Variants in TM4SF5 observed in about 807,000 individuals in gnomAD.
TM4SF5 encodes transmembrane 4 L6 family member 5.
TM4SF5 carries 16 observed loss-of-function variants against 22.3 expected under a neutral mutation model. The observed-to-expected ratio is 0.72, with a 90% CI of 0.49 to 1.09. The LOEUF (loss-of-function observed/expected upper bound fraction) is 1.09. Ranked by LOEUF, TM4SF5 falls within the 50% of genes least tolerant of loss-of-function variation. The pLI is 0.00. For missense variants in TM4SF5, 249 were observed against 266.1 expected (o/e 0.94, Z 0.45); for synonymous variants, 113 against 109.6 (o/e 1.03, Z -0.19).
intron 2 of TM4SF5, 34 bp downstream of exon 2, chr17:4,780,903 G>C: frequency 6.3e-7 from 1 of 1,591,318 alleles, no homozygotes. Flanking sequence ...TTCAGGGCTG[G>C]GGGTGGTGTC....
chr17:4,772,852 C>A (rs1235643969), intron 1 of TM4SF5, among the ~76,000 whole-genome samples: 1 of 151,420 alleles, frequency 6.6e-6, no homozygotes, highest in Non-Finnish European at 1.5e-5. Flanking sequence ...GCAGCTGGAA[C>A]CACAGGTGGG....
At position 4,772,063 on chromosome 17, in the gene TM4SF5, C is replaced by T. The variant is rs575568039; in HGVS notation, c.141C>T (p.Val47=). The change falls in exon 1 of 5, where the codon GTC becomes GTT. Residue 47 remains valine, a synonymous_variant. Coordinates refer to ENST00000270560, the MANE Select transcript of TM4SF5 (RefSeq NM_003963.3). The part of the protein sequence containing the change: ...WTNTNHLSLQ[V]WLMGGFIGGG... ...ACACCAACCATCTCAGCTTGCAAGT[C>T]TGGCTCATGGGCGGCTTCATTGGCG... is the stretch of plus-strand genomic sequence containing the variant. The T allele has an allele frequency of 6.2e-7, 1 of 1,614,202 alleles. No individual in the cohort carries two copies. The highest frequency in any genetic ancestry group is 1.3e-5 in the African/African-American group (1 of 75,058).
Position 4,780,962 on chromosome 17 carries a change from T to A in TM4SF5, c.258+93T>A, listed in dbSNP as rs1042783539. Reference sequence around the variant, plus strand: ...TAGCAGGCTGAGGTGGGAGTACGGCTTGAGCCAGGAGTTCTAGACCAGCCC... The same window carrying A: ...TAGCAGGCTGAGGTGGGAGTACGGCATGAGCCAGGAGTTCTAGACCAGCCC... On this transcript the variant is annotated intron_variant, in intron 2 of 4. Coordinates refer to ENST00000270560, the MANE Select transcript of TM4SF5 (RefSeq NM_003963.3). 5.5e-6 allele frequency: 6 copies of A among 1,088,384 alleles called. No individual in the cohort carries two copies. In the African/African-American group the frequency reaches 9.4e-5, roughly 17 times the overall value. 67.4% of individuals were successfully genotyped at this position (1,088,384 alleles called of 1,614,324 possible).
At chr17:4,772,432 G>A (rs149644186) in intron 1 of TM4SF5, among the ~76,000 whole-genome samples, 3 of 152,212 alleles carry the variant, frequency 2.0e-5, no homozygotes, top group Non-Finnish European at 4.4e-5. Flanking sequence ...GGAGCAGCTG[G>A]TTGTCAGAGA....
chr17:4,772,806 C>T (rs191946782), intron 1 of TM4SF5, among the ~76,000 whole-genome samples: 1 of 151,688 alleles, frequency 6.6e-6, no homozygotes, highest in Non-Finnish European at 1.5e-5. Flanking sequence ...GCCCCAACCT[C>T]CTGGGCCCAA....
chr17:4,774,838 C>T (rs1917178717), intron 1 of TM4SF5, among the ~76,000 whole-genome samples: 1 of 151,862 alleles, frequency 6.6e-6, no homozygotes, highest in Non-Finnish European at 1.5e-5. Context: ...ACCCGAGAGG[C>T]GGAGGTTGCA....
intron 3 of TM4SF5, 66 bp downstream of exon 3, chr17:4,782,705 A>G: frequency 6.3e-7 from 1 of 1,599,478 alleles, no homozygotes; most frequent in Non-Finnish European, 8.5e-7. Context: ...TCCCCCGTGG[A>G]CTGGGACACC....
chr17:4,782,618 G>A lies in TM4SF5; in HGVS notation c.374G>A (p.Gly125Asp), dbSNP rs35838872. 2,848 of 1,614,176 alleles carry A rather than the reference G, an allele frequency of 1.8e-3. 44 individuals carry two copies. The African/African-American group carries it at 0.027, about 15-fold the overall frequency. ...GPRCLMNGEW[G>D]YHFEDTAGAY... ...AGATGCTTAATGAACGGCGAGTGGG[G>A]CTACCACTTCGAAGACACCGCGTAA... The change falls in exon 3 of 5, where the codon GGC (glycine) becomes GAC (aspartate). Residue 125 changes from glycine to aspartate, a missense_variant. Coordinates refer to ENST00000270560, the MANE Select transcript of TM4SF5 (RefSeq NM_003963.3).
intron 1 of TM4SF5, among the ~76,000 whole-genome samples, chr17:4,773,876 A>G (rs1917162690): frequency 6.6e-6 from 1 of 152,076 alleles, no homozygotes; most frequent in Admixed American, 6.6e-5. Flanking sequence ...CCAAATATGC[A>G]TTCACAGCTG....
intron 3 of TM4SF5, 45 bp downstream of exon 3, chr17:4,782,684 C>T: frequency 1.9e-6 from 3 of 1,608,316 alleles, no homozygotes; most frequent in Non-Finnish European, 2.6e-6. Flanking sequence ...CTGCCTCTTC[C>T]CTCCCGCCCT....
At chr17:4,772,534 G>A (rs1358696283) in intron 1 of TM4SF5, among the ~76,000 whole-genome samples, 12 of 152,040 alleles carry the variant, frequency 7.9e-5, no homozygotes, top group Non-Finnish European at 1.3e-4. Flanking sequence ...AGTCACCCTC[G>A]CTTGCCTCCA....
intron 2 of TM4SF5, 141 bp downstream of exon 2, chr17:4,781,010 T>C (rs1018971791): frequency 1.2e-5 from 8 of 690,596 alleles, no homozygotes; most frequent in Middle Eastern, 7.9e-4. Flanking sequence ...AAGATCCCTA[T>C]CTCTACTAAC....
chr17:4,780,806 T>C lies in TM4SF5; in HGVS notation c.195T>C (p.Ile65=). The part of the protein sequence containing the change: ...GGGLMVLCPG[I]AAVRAGGKGC... The stretch of plus-strand genomic sequence containing the variant: ...TCCCACAGGTACTGTGTCCGGGGAT[T>C]GCAGCCGTTCGGGCAGGGGGCAAGG... Residue 65 remains isoleucine, a synonymous_variant, in exon 2 of 5, where the codon ATT becomes ATC. Transcript: ENST00000270560. 6.2e-7 allele frequency: 1 copy of C among 1,610,886 alleles called. No individual in the cohort carries two copies. Among genetic ancestry groups the C allele is most frequent in the South Asian group, 1.1e-5 (1 of 90,282 alleles).
rs543608607 is a variant in TM4SF5 at position 4,776,414 on chromosome 17, G to A, written c.177+4315G>A. Among the ~76,000 whole-genome samples, 4 of 152,080 alleles carry A rather than the reference G, an allele frequency of 2.6e-5. No individual in the cohort carries two copies. In the South Asian group the frequency reaches 8.3e-4, roughly 32 times the overall value. On this transcript the variant is annotated intron_variant, in intron 1 of 4. Transcript: ENST00000270560. The stretch of plus-strand genomic sequence containing the variant: ...ACTCCCAGGTTCACATGATTCTCCT[G>A]CCTCAGCCTCCTGAGTAGCTGGGAT...
chr17:4,777,034 C>A (rs145537269), intron 1 of TM4SF5, among the ~76,000 whole-genome samples: 54 of 152,044 alleles, frequency 3.6e-4, no homozygotes, highest in African/African-American at 1.3e-3. Flanking sequence ...CCCGTCTCTA[C>A]TAAAAATACA....
intron 2 of TM4SF5, among the ~76,000 whole-genome samples, chr17:4,782,091 A>ATTTT (rs376659055): frequency 7.0e-6 from 1 of 141,896 alleles, no homozygotes. Context: ...CGAATTTCTA[A>ATTTT]TTTTTTTTTT....
At chr17:4,775,446 A>G (rs1917187646) in intron 1 of TM4SF5, among the ~76,000 whole-genome samples, 1 of 149,890 alleles carries the variant, frequency 6.7e-6, no homozygotes, top group Non-Finnish European at 1.5e-5. Flanking sequence ...TTGTATTTTT[A>G]GTAGAGATGG....
chr17:4,775,240 A>T (rs1387202199), intron 1 of TM4SF5, among the ~76,000 whole-genome samples: 1 of 151,824 alleles, frequency 6.6e-6, no homozygotes, highest in Non-Finnish European at 1.5e-5. Flanking sequence ...TATTATAAGT[A>T]CAACAGAAAA....
intron 1 of TM4SF5, among the ~76,000 whole-genome samples, chr17:4,776,598 G>A (rs4790231): frequency 0.4 from 60,873 of 152,016 alleles, 13,358 homozygotes; most frequent in Non-Finnish European, 0.51. Context: ...CACTGTGCCC[G>A]GCCCATTCTA....
Sources: allele counts gnomAD v4.1 joint callset (sites outside exome capture counted in the v4.1 genomes callset), GRCh38; gene constraint gnomAD v4.1.1; transcripts MANE v1.5; gene names NCBI Gene and HGNC (gene_info 2026-07-23, HGNC 2026-07-21).